Variants in LHPP observed in about 807,000 individuals in gnomAD.
LHPP encodes hLHPP.
A neutral mutation model predicts 30.3 loss-of-function variants in LHPP; 24 were observed. The ratio of observed to expected loss-of-function variants is 0.79; its 90% confidence interval spans 0.57 to 1.11. The LOEUF is 1.11. LHPP is among the 50% of genes most tolerant of loss of function. LHPP has a pLI of 0.00. For missense variants in LHPP, 356 were observed against 367.2 expected, an observed-to-expected ratio of 0.97 and a Z score of 0.25; for synonymous variants, 150 against 157.1, an observed-to-expected ratio of 0.95 and a Z score of 0.34.
intron 6 of LHPP, among the ~76,000 whole-genome samples, chr10:124,603,610 C>G (rs1355489674): frequency 1.3e-5 from 2 of 152,144 alleles, no homozygotes; most frequent in African/African-American, 4.8e-5. Context: ...CGAGAAGGTC[C>G]TGTATGTGTG....
At chr10:124,471,063 A>T (rs1037949755) in intron 1 of LHPP, among the ~76,000 whole-genome samples, 5 of 152,138 alleles carry the variant, frequency 3.3e-5, no homozygotes, top group African/African-American at 7.2e-5. Flanking sequence ...GTGAATATAC[A>T]GAGTGAAAAG....
rs374160798 is a variant in LHPP, at chr10:124,585,267, A to G, written c.717-27997A>G. Among the ~76,000 whole-genome samples, 15 of 152,310 alleles carry G rather than the reference A, an allele frequency of 9.8e-5. 1 individual carries two copies. Among genetic ancestry groups the G allele is most frequent in the African/African-American group, 3.6e-4 (15 of 41,572 alleles). ...CTGAGTATTTTATTCTTTTTGAGCTACCATAAATGGGACTGCATTCCTGTT... is the reference window on the plus strand; with the variant it reads ...CTGAGTATTTTATTCTTTTTGAGCTGCCATAAATGGGACTGCATTCCTGTT... On this transcript the variant is annotated intron_variant, in intron 6 of 6. Coordinates refer to ENST00000368842, the MANE Select transcript of LHPP (RefSeq NM_022126.4).
rs1448925377 is a variant in LHPP, at chr10:124,496,531, G to A, written c.468-430G>A. Among the ~76,000 whole-genome samples the A allele has an allele frequency of 6.6e-6, 1 of 152,190 alleles. No homozygotes were observed. The highest frequency in any genetic ancestry group is 1.5e-5 in the Non-Finnish European group (1 of 68,032). ...CTAATGGAGTTCTCTTCTTCAGCCA[G>A]CAATTAGGGGTTAATTATTAGCAAT... On this transcript the variant is annotated intron_variant, in intron 3 of 6. Coordinates refer to ENST00000368842, the MANE Select transcript of LHPP (RefSeq NM_022126.4). This position sits in a 1 kb window ranked among gnomAD's most constrained non-coding sequence, Gnocchi z 4.3.
chr10:124,601,534 C>A (rs570314134), intron 6 of LHPP, among the ~76,000 whole-genome samples: 8 of 152,314 alleles, frequency 5.3e-5, no homozygotes, highest in African/African-American at 1.4e-4. Flanking sequence ...CGCTGGTGGG[C>A]GGCCAAGCGT....
At chr10:124,501,298 T>A (rs1953889463) in intron 5 of LHPP, among the ~76,000 whole-genome samples, 1 of 151,608 alleles carries the variant, frequency 6.6e-6, no homozygotes, top group Admixed American at 6.6e-5. Context: ...CCTTTTGGGA[T>A]GATACAAATA....
At chr10:124,574,132 G>A (rs1487630538) in intron 6 of LHPP, among the ~76,000 whole-genome samples, 1 of 152,242 alleles carries the variant, frequency 6.6e-6, no homozygotes, top group South Asian at 2.1e-4. Context: ...TGTCATCTGC[G>A]TGCACATGTG....
chr10:124,567,607 A>C (rs1339130224), intron 6 of LHPP, among the ~76,000 whole-genome samples: 1 of 152,206 alleles, frequency 6.6e-6, no homozygotes, highest in Non-Finnish European at 1.5e-5. Context: ...CTCTGGCTTG[A>C]CAAGGGGCGG....
At chr10:124,553,891 A>G (rs549822053) in intron 6 of LHPP, 3 of 985,458 alleles carry the variant, frequency 3.0e-6, no homozygotes, top group African/African-American at 1.7e-5. Context: ...CTGTCTTACC[A>G]CAGGCTAAGC....
At chr10:124,557,588 A>G (rs758851153) in intron 6 of LHPP, among the ~76,000 whole-genome samples, 1 of 152,190 alleles carries the variant, frequency 6.6e-6, no homozygotes, top group Non-Finnish European at 1.5e-5. Flanking sequence ...GTCTCAGAGT[A>G]AATCACAGTC....
intron 1 of LHPP, among the ~76,000 whole-genome samples, chr10:124,469,810 G>T (rs1533415): frequency 1.3e-5 from 2 of 152,088 alleles, no homozygotes; most frequent in Non-Finnish European, 2.9e-5. Flanking sequence ...GCGTGCACTC[G>T]GGAAGGCTAG....
At chr10:124,519,646 G>A (rs934913065) in intron 6 of LHPP, among the ~76,000 whole-genome samples, 5 of 151,918 alleles carry the variant, frequency 3.3e-5, no homozygotes, top group South Asian at 4.2e-4. Context: ...ATGCCTTTGC[G>A]TCCTCATAAC....
rs920540691 is a variant in LHPP, at chr10:124,560,826, C to T, written c.716+43555C>T. 2.6e-5 allele frequency among the ~76,000 whole-genome samples: 4 copies of T among 152,168 alleles called. No individual in the cohort carries two copies. The South Asian group carries it at 6.2e-4, about 24-fold the overall frequency. ...CTGTCAGAGACACATGATGCTTCTT[C>T]ACCCAAAGCCCCACCCTGGCTGCAA... On this transcript the variant is annotated intron_variant, in intron 6 of 6. Transcript: ENST00000368842.
chr10:124,470,294 C>A (rs1465841704), intron 1 of LHPP, among the ~76,000 whole-genome samples: 1 of 152,144 alleles, frequency 6.6e-6, no homozygotes, highest in African/African-American at 2.4e-5. Flanking sequence ...CTGGGCCCAG[C>A]CCAGGCCCGG....
chr10:124,574,960 G>A (rs572085760), intron 6 of LHPP, among the ~76,000 whole-genome samples: 2 of 152,222 alleles, frequency 1.3e-5, no homozygotes, highest in African/African-American at 4.8e-5. Flanking sequence ...TCTGCCTCCT[G>A]CCGGGCCCTC....
chr10:124,474,132 C>CTTTT (rs544464876), intron 1 of LHPP, among the ~76,000 whole-genome samples: 44 of 71,888 alleles, frequency 6.1e-4, no homozygotes, highest in Admixed American at 1.3e-3. Context: ...TTGCTTTGCC[C>CTTTT]TTTTTTTTTT....
At chr10:124,532,614 C>T (rs942998487) in intron 6 of LHPP, among the ~76,000 whole-genome samples, 1 of 152,236 alleles carries the variant, frequency 6.6e-6, no homozygotes. Flanking sequence ...GGACACTCTG[C>T]GTTTGTTAAA....
At chr10:124,554,152 C>T (rs1343800569) in intron 6 of LHPP, 3 of 648,744 alleles carry the variant, frequency 4.6e-6, no homozygotes, top group Non-Finnish European at 5.7e-6. Flanking sequence ...GGTTTTTCAA[C>T]CTAAGACTCA....
intron 6 of LHPP, among the ~76,000 whole-genome samples, chr10:124,584,913 C>A (rs1164555088): frequency 6.6e-6 from 1 of 152,082 alleles, no homozygotes; most frequent in Admixed American, 6.5e-5. Flanking sequence ...CGCGATGGGT[C>A]GCAGTCAAAA....
chr10:124,512,229 G>A (rs1209298507), intron 5 of LHPP, among the ~76,000 whole-genome samples: 1 of 152,186 alleles, frequency 6.6e-6, no homozygotes, highest in Non-Finnish European at 1.5e-5. Flanking sequence ...AAGTAACCAG[G>A]GCAAGGGTGC....
Sources: gnomAD v4.1 joint callset for allele counts (sites outside exome capture counted in the v4.1 genomes callset) on GRCh38, gnomAD v4.1.1 for gene constraint, Gnocchi (gnomAD v3.1) non-coding constraint, MANE v1.5 for transcripts, NCBI Gene and HGNC (gene_info 2026-07-23, HGNC 2026-07-21) for gene names.